POF1B: variants seen among roughly 807,000 people sequenced by gnomAD.
POF1B encodes POF1B actin binding protein, also known as protein POF1B.
Under a neutral mutation model 55.3 loss-of-function variants are expected in POF1B, and 53 were observed. The observed-to-expected ratio is 0.96, with a 90% CI of 0.77 to 1.20. The LOEUF is 1.20. POF1B is among the 50% of genes most tolerant of loss of function. POF1B has a pLI of 0.00. For missense variants in POF1B, 478 were observed against 420.5 expected (o/e 1.14, Z -1.20); for synonymous variants, 188 against 148.3 (o/e 1.27, Z -1.95).
At chrX:85,315,889 G>T (rs986576423) in intron 7 of POF1B, among the ~76,000 whole-genome samples, 155 bp from the exon 8 acceptor site, 1 of 111,065 alleles carries the variant, frequency 9.0e-6, no homozygotes, top group Non-Finnish European at 1.9e-5. Flanking sequence ...AACTAAAATG[G>T]CACTTTTACT....
chrX:85,325,503 C>T (rs189197986), intron 7 of POF1B, among the ~76,000 whole-genome samples: 11 of 111,986 alleles, frequency 9.8e-5, no homozygotes, highest in Non-Finnish European at 1.9e-4. Flanking sequence ...ATTCTTATAG[C>T]GTGTTTTTCA....
At chrX:85,296,934 A>AT (rs199558154) in intron 15 of POF1B, among the ~76,000 whole-genome samples, 1,556 of 109,019 alleles carry the variant, frequency 0.014, 25 homozygotes, top group African/African-American at 0.048. Context: ...TCACAATTTA[A>AT]TTTTTTTTTT....
At chrX:85,368,949 T>G (rs1933775513) in intron 2 of POF1B, among the ~76,000 whole-genome samples, 1 of 111,763 alleles carries the variant, frequency 8.9e-6, no homozygotes, top group African/African-American at 3.2e-5. Flanking sequence ...TCAGAATCAT[T>G]AATTTACAAG....
At chrX:85,285,831 G>A (rs768438237) in intron 15 of POF1B, among the ~76,000 whole-genome samples, 63 of 110,867 alleles carry the variant, frequency 5.7e-4, no homozygotes, top group Non-Finnish European at 1.0e-3. Context: ...CAGCTTACTC[G>A]TCTATACACA....
intron 2 of POF1B, among the ~76,000 whole-genome samples, chrX:85,374,026 A>G (rs776651885): frequency 9.0e-6 from 1 of 111,595 alleles, no homozygotes; most frequent in African/African-American, 3.2e-5. Flanking sequence ...AGACTAAGCA[A>G]TTTATAGATA....
intron 10 of POF1B, among the ~76,000 whole-genome samples, 182 bp from the exon 11 acceptor site, chrX:85,307,458 C>T (rs757865548): frequency 8.9e-6 from 1 of 111,841 alleles, no homozygotes; most frequent in African/African-American, 3.2e-5. Flanking sequence ...ACTTCTAAAA[C>T]CTTCATTGAA....
intron 3 of POF1B, among the ~76,000 whole-genome samples, chrX:85,359,901 C>T (rs1320827731): frequency 9.0e-6 from 1 of 110,507 alleles, no homozygotes; most frequent in African/African-American, 3.3e-5. Context: ...TTTTAAAATG[C>T]TTCTTTCATT....
chrX:85,297,357 T>C (rs1180432346), intron 15 of POF1B, among the ~76,000 whole-genome samples: 1 of 112,371 alleles, frequency 8.9e-6, no homozygotes, highest in East Asian at 2.8e-4. Context: ...TGTGCTCCTT[T>C]GTGTTTTGGA....
intron 2 of POF1B, among the ~76,000 whole-genome samples, chrX:85,373,552 G>A (rs1423210388): frequency 9.0e-6 from 1 of 111,660 alleles, no homozygotes; most frequent in Non-Finnish European, 1.9e-5. Context: ...ATGTGACTAA[G>A]TTACTAACTT....
intron 2 of POF1B, among the ~76,000 whole-genome samples, chrX:85,371,420 C>T (rs1262784682): frequency 9.0e-6 from 1 of 111,202 alleles, no homozygotes; most frequent in East Asian, 2.8e-4. Context: ...CTTTAACACT[C>T]AAAATAACCC....
chrX:85,287,833 G>C lies in POF1B; in HGVS notation c.1650-5516C>G, dbSNP rs138450050. Among the ~76,000 whole-genome samples, 63 of 111,634 alleles carry C rather than the reference G, an allele frequency of 5.6e-4. 1 individual carries two copies. The East Asian group carries it at 8.0e-3, about 14-fold the overall frequency. ...TATCACTAGTAGAATACAGGTGTCA[G>C]ATCCTTAACAAAATTTTAGCAAATT... On this transcript the variant is annotated intron_variant, in intron 15 of 16. Transcript: ENST00000262753.
chrX:85,278,489 A>T lies in POF1B; in HGVS notation c.*932T>A. The T allele has an allele frequency of 9.0e-6, 1 of 111,542 alleles. No homozygotes were observed. Among genetic ancestry groups the T allele is most frequent in the Non-Finnish European group, 1.9e-5 (1 of 52,635 alleles). The allele number at this position is 111,542 out of a possible 1,213,427, so 9.2% of individuals were successfully genotyped here. Reference sequence around the variant, plus strand: ...AAGGTCATTAAAGCCTAATTGCTAAATCAACTTCTAAGTATACTAAATACT... The same window carrying T: ...AAGGTCATTAAAGCCTAATTGCTAATTCAACTTCTAAGTATACTAAATACT... On this transcript the variant is annotated 3_prime_UTR_variant, in exon 17 of 17. Transcript: ENST00000262753.
intron 4 of POF1B, among the ~76,000 whole-genome samples, chrX:85,356,738 C>G (rs1420065176): frequency 9.0e-6 from 1 of 111,455 alleles, no homozygotes; most frequent in Non-Finnish European, 1.9e-5. Context: ...TTCTTTTTCT[C>G]AACCTGTCCA....
At chrX:85,368,041 C>A (rs955994771) in intron 2 of POF1B, among the ~76,000 whole-genome samples, 1 of 111,889 alleles carries the variant, frequency 8.9e-6, no homozygotes, top group Non-Finnish European at 1.9e-5. Context: ...AAGAACTCTG[C>A]ATTCATATAC....
At chrX:85,327,401 A>G (rs1276743006) in intron 7 of POF1B, among the ~76,000 whole-genome samples, 1 of 111,977 alleles carries the variant, frequency 8.9e-6, no homozygotes, top group Non-Finnish European at 1.9e-5. Flanking sequence ...TATGAGTAAT[A>G]CATTGCCTAC....
At chrX:85,308,287 T>C in intron 9 of POF1B, 71 bp from the exon 10 acceptor site, 3 of 708,701 alleles carry the variant, frequency 4.2e-6, no homozygotes, top group East Asian at 3.6e-5. Flanking sequence ...TGAAAGTTTT[T>C]TTTTTCCTAC....
intron 7 of POF1B, among the ~76,000 whole-genome samples, chrX:85,318,630 C>G (rs1932808097): frequency 9.0e-6 from 1 of 111,679 alleles, no homozygotes; most frequent in Middle Eastern, 4.2e-3. Flanking sequence ...ATAGGGAATC[C>G]TTTCCCCATT....
At chrX:85,293,351 A>C (rs981392825) in intron 15 of POF1B, among the ~76,000 whole-genome samples, 1 of 112,138 alleles carries the variant, frequency 8.9e-6, no homozygotes, top group Non-Finnish European at 1.9e-5. Context: ...AAAAAGAACA[A>C]GATCATATCC....
chrX:85,324,338 G>A (rs774286839), intron 7 of POF1B, among the ~76,000 whole-genome samples: 11 of 110,561 alleles, frequency 9.9e-5, no homozygotes, highest in African/African-American at 3.0e-4. Context: ...CACTGTTATT[G>A]TGTTGTTATC....
Sources: allele counts gnomAD v4.1 joint callset (sites outside exome capture counted in the v4.1 genomes callset), GRCh38; gene constraint gnomAD v4.1.1; transcripts MANE v1.5; gene names NCBI Gene and HGNC (gene_info 2026-07-23, HGNC 2026-07-21).